DYNC1I1: variants seen among roughly 807,000 people sequenced by gnomAD.
DYNC1I1 encodes cytoplasmic dynein 1 intermediate chain 1.
Under a neutral mutation model 86.6 loss-of-function variants are expected in DYNC1I1, and 43 were observed. The ratio of observed to expected loss-of-function variants is 0.50; its 90% CI spans 0.39 to 0.64. DYNC1I1 has a LOEUF of 0.64. DYNC1I1 is among the 30% of genes least tolerant of loss of function. DYNC1I1 has a pLI of 0.00. For synonymous variants in DYNC1I1, 262 were observed against 283.7 expected, an observed-to-expected ratio of 0.92 and a Z score of 0.77; for missense variants, 604 against 788.8, an observed-to-expected ratio of 0.77 and a Z score of 2.81.
intron 9 of DYNC1I1, among the ~76,000 whole-genome samples, chr7:95,987,603 G>A (rs887096737): frequency 1.3e-5 from 2 of 152,040 alleles, no homozygotes; most frequent in African/African-American, 4.8e-5. Context: ...CCATCCTTGA[G>A]GTCCCTGTGG....
rs558511489 is a variant in DYNC1I1 at position 95,853,125 on chromosome 7, G to C, written c.375-16758G>C. 1.7e-3 allele frequency among the ~76,000 whole-genome samples: 262 copies of C among 152,242 alleles called. 2 individuals are homozygous for C. Among genetic ancestry groups the C allele is most frequent in the South Asian group, 0.013 (61 of 4,816 alleles). ...GTTTTATACCATTGTGGACAGAAAA[G>C]ATACTTGATAAGATTTTAGTTTTTT... On this transcript the variant is annotated intron_variant, in intron 5 of 16. Transcript: ENST00000447467.
Position 96,097,691 on chromosome 7 carries a change from T to C in DYNC1I1, c.*98T>C. On this transcript the variant is annotated 3_prime_UTR_variant, in exon 17 of 17. Transcript: ENST00000447467. The stretch of plus-strand genomic sequence containing the variant: ...GTATTCGGTGTCCATTCAGTATCAG[T>C]ATTGCTGTGATATTTTGGGTGCCAT... The C allele has an allele frequency of 6.6e-7, 1 of 1,525,632 alleles. No individual in the cohort carries two copies. 94.5% of individuals were successfully genotyped at this position (1,525,632 alleles called of 1,614,324 possible). A position where few individuals can be genotyped will look rare whatever the true frequency, so the allele number is the denominator to read the frequency against.
At chr7:95,946,618 A>C (rs1351984281) in intron 6 of DYNC1I1, among the ~76,000 whole-genome samples, 2 of 152,174 alleles carry the variant, frequency 1.3e-5, no homozygotes, top group Non-Finnish European at 2.9e-5. Flanking sequence ...CACCATTTTA[A>C]AATAAATTTG....
intron 7 of DYNC1I1, among the ~76,000 whole-genome samples, chr7:95,980,243 T>C (rs1793420295): frequency 6.6e-6 from 1 of 152,068 alleles, no homozygotes; most frequent in South Asian, 2.1e-4. Flanking sequence ...TCTCCATTAA[T>C]GGCTTTTCTG....
At chr7:95,897,094 T>A (rs1790900744) in intron 6 of DYNC1I1, among the ~76,000 whole-genome samples, 1 of 152,164 alleles carries the variant, frequency 6.6e-6, no homozygotes, top group Admixed American at 6.5e-5. Flanking sequence ...TATGGAATTT[T>A]AGGAAAAAGG....
chr7:95,957,953 T>C (rs1292695226), intron 6 of DYNC1I1, among the ~76,000 whole-genome samples: 1 of 152,168 alleles, frequency 6.6e-6, no homozygotes, highest in Non-Finnish European at 1.5e-5. Flanking sequence ...GTGTATGTCT[T>C]CAGTGAGTGA....
chr7:95,810,583 C>T, intron 3 of DYNC1I1, 77 bp downstream of exon 3: 1 of 1,138,542 alleles, frequency 8.8e-7, no homozygotes, highest in East Asian at 2.9e-5. Flanking sequence ...GTTTACTATT[C>T]TTTTAAGTCT....
chr7:96,100,979 T>C (rs760944422), downstream of DYNC1I1, among the ~76,000 whole-genome samples: 9 of 152,144 alleles, frequency 5.9e-5, no homozygotes, highest in Non-Finnish European at 1.3e-4. Context: ...ATCTCTAGAA[T>C]GTTTAGCAGT....
intron 4 of DYNC1I1, among the ~76,000 whole-genome samples, chr7:95,814,717 T>C (rs1317864390): frequency 6.6e-6 from 1 of 152,108 alleles, no homozygotes. Flanking sequence ...TTTCTGCCTG[T>C]TGGTGTCCTT....
chr7:96,084,099 A>T (rs1029474565), intron 16 of DYNC1I1, among the ~76,000 whole-genome samples: 1 of 152,120 alleles, frequency 6.6e-6, no homozygotes, highest in Non-Finnish European at 1.5e-5. Flanking sequence ...GCTTTTGCCA[A>T]GACCTTGTTC....
intron 2 of DYNC1I1, among the ~76,000 whole-genome samples, chr7:95,809,871 A>C (rs892738396): frequency 2.6e-5 from 4 of 152,168 alleles, no homozygotes; most frequent in African/African-American, 9.6e-5. Flanking sequence ...ATTTTAGCCC[A>C]GTTTATTTTA....
intron 6 of DYNC1I1, among the ~76,000 whole-genome samples, chr7:95,900,007 G>C (rs902698676): frequency 6.6e-6 from 1 of 152,110 alleles, no homozygotes; most frequent in Non-Finnish European, 1.5e-5. Context: ...TATGCAAGGA[G>C]GTATCTGTTC....
At chr7:95,885,830 G>A (rs866984378) in intron 6 of DYNC1I1, among the ~76,000 whole-genome samples, 4 of 151,904 alleles carry the variant, frequency 2.6e-5, no homozygotes, top group Middle Eastern at 3.4e-3. Context: ...TTAGGTAGTG[G>A]TATCTTCCAA....
downstream of DYNC1I1, among the ~76,000 whole-genome samples, chr7:96,101,909 C>T (rs1791142403): frequency 6.6e-6 from 1 of 151,952 alleles, no homozygotes; most frequent in Non-Finnish European, 1.5e-5. Flanking sequence ...CTCTTAAAGG[C>T]CTAAAAGATA....
intron 6 of DYNC1I1, among the ~76,000 whole-genome samples, chr7:95,909,952 C>T (rs55639100): frequency 0.063 from 9,632 of 152,154 alleles, 595 homozygotes; most frequent in Admixed American, 0.21. Flanking sequence ...TTTGGGGTTG[C>T]GCTTGATTCA....
At chr7:95,800,922 A>G (rs1794562118) in intron 1 of DYNC1I1, among the ~76,000 whole-genome samples, 1 of 152,176 alleles carries the variant, frequency 6.6e-6, no homozygotes, top group African/African-American at 2.4e-5. Context: ...GTGCAGGGAG[A>G]TTTAGTGGGT....
intron 7 of DYNC1I1, among the ~76,000 whole-genome samples, chr7:95,978,402 G>T (rs1793364107): frequency 6.6e-6 from 1 of 152,188 alleles, no homozygotes; most frequent in African/African-American, 2.4e-5. Context: ...ATGAAATACT[G>T]CAGGTGACAT....
Position 95,892,357 on chromosome 7 carries a change from G to T in DYNC1I1, c.490+22359G>T, listed in dbSNP as rs573444644. On this transcript the variant is annotated intron_variant, in intron 6 of 16. Coordinates refer to ENST00000447467, the MANE Select transcript of DYNC1I1 (RefSeq NM_001135556.2). ...CAGAGTCTTGCTCTGTCGCCCAGGC[G>T]GGAGTGCAGTGGCGGTGATCTCGGC... 2.7e-4 allele frequency among the ~76,000 whole-genome samples: 40 copies of T among 150,462 alleles called. No homozygotes were observed. In the South Asian group the frequency reaches 4.4e-3, roughly 17 times the overall value.
intron 9 of DYNC1I1, among the ~76,000 whole-genome samples, chr7:95,990,709 G>A (rs1256394420): frequency 6.6e-6 from 1 of 152,154 alleles, no homozygotes; most frequent in East Asian, 1.9e-4. Flanking sequence ...CTTATTGTGA[G>A]TGTTAAATGA....
Sources: gnomAD v4.1 joint callset for allele counts (sites outside exome capture counted in the v4.1 genomes callset) on GRCh38, gnomAD v4.1.1 for gene constraint, MANE v1.5 for transcripts, NCBI Gene and HGNC (gene_info 2026-07-23, HGNC 2026-07-21) for gene names.